The following MAML3 variants were observed in gnomAD, a reference collection of about 807,000 sequenced individuals.
MAML3 encodes mastermind like transcriptional coactivator 3.
In MAML3, 27 loss-of-function variants were observed where a neutral mutation model predicts 101.9. The ratio of observed to expected loss-of-function variants is 0.27; its 90% CI spans 0.20 to 0.37. MAML3 has a LOEUF of 0.37. MAML3 is among the 10% of genes least tolerant of loss of function. The pLI, the probability that MAML3 is intolerant of heterozygous loss-of-function variation, is 1.00. For synonymous variants in MAML3, 501 were observed against 555.9 expected (o/e 0.90, Z 1.39); for missense variants, 1,316 against 1,444.9 (o/e 0.91, Z 1.45).
chr4:139,798,034 G>GAGAAAGAAAGAAAGAAAGAA (rs60781175), intron 2 of MAML3, among the ~76,000 whole-genome samples: 2 of 124,474 alleles, frequency 1.6e-5, no homozygotes. Flanking sequence ...AGGAGAGAGA[G>GAGAAAGAAAGAAAGAAAGAA]AGAAAGAAAG....
At chr4:139,911,406 C>T (rs974902602) in intron 1 of MAML3, among the ~76,000 whole-genome samples, 41 of 152,168 alleles carry the variant, frequency 2.7e-4, no homozygotes, top group African/African-American at 8.9e-4. Flanking sequence ...TTAGTAGAGA[C>T]AGGATTTCAC....
intron 4 of MAML3, among the ~76,000 whole-genome samples, chr4:139,723,334 C>T (rs1728331568): frequency 6.6e-6 from 1 of 152,072 alleles, no homozygotes; most frequent in Admixed American, 6.6e-5. Flanking sequence ...TTCTGGGACA[C>T]AGTTTTGCTC....
intron 2 of MAML3, among the ~76,000 whole-genome samples, chr4:139,731,987 T>C (rs192537841): frequency 1.3e-5 from 2 of 152,318 alleles, no homozygotes; most frequent in East Asian, 3.9e-4. Flanking sequence ...AAATTCCTTC[T>C]ACCTCACTGA....
chr4:139,723,184 T>C (rs1305091270), intron 4 of MAML3, among the ~76,000 whole-genome samples: 1 of 152,242 alleles, frequency 6.6e-6, no homozygotes, highest in Non-Finnish European at 1.5e-5. Context: ...AAAAGTCAGC[T>C]TCAAAAACCC....
At chr4:139,814,666 C>A (rs1238647931) in intron 2 of MAML3, among the ~76,000 whole-genome samples, 1 of 152,090 alleles carries the variant, frequency 6.6e-6, no homozygotes, top group Non-Finnish European at 1.5e-5. Flanking sequence ...GTGGGTAACA[C>A]CCTCCCCCCA....
intron 1 of MAML3, among the ~76,000 whole-genome samples, chr4:139,939,261 C>T (rs1231319527): frequency 6.6e-6 from 1 of 152,194 alleles, no homozygotes; most frequent in Non-Finnish European, 1.5e-5. Flanking sequence ...TAATTATTCT[C>T]ACTTCTCCTC....
chr4:140,025,283 CTAAAG>C (rs1461348999), intron 1 of MAML3, among the ~76,000 whole-genome samples: 1 of 151,956 alleles, frequency 6.6e-6, no homozygotes, highest in Non-Finnish European at 1.5e-5. Flanking sequence ...GAGAAATAAC[CTAAAG>C]TAAATAAGGG....
chr4:139,989,602 G>C (rs1734619605), intron 1 of MAML3, among the ~76,000 whole-genome samples: 1 of 152,012 alleles, frequency 6.6e-6, no homozygotes, highest in Non-Finnish European at 1.5e-5. Flanking sequence ...GCCCAGAAAT[G>C]CTGCCTGCTT....
intron 1 of MAML3, among the ~76,000 whole-genome samples, chr4:140,149,939 C>CT (rs3051828): frequency 0.23 from 29,527 of 129,684 alleles, 3,796 homozygotes; most frequent in South Asian, 0.38. Context: ...ATGTTTCTTT[C>CT]TTTTTTTTTT....
intron 1 of MAML3, among the ~76,000 whole-genome samples, chr4:140,110,589 G>GA (rs1387342618): frequency 6.6e-6 from 1 of 152,126 alleles, no homozygotes; most frequent in African/African-American, 2.4e-5. Context: ...ACTTTCTGTG[G>GA]AAAAAAGCCT....
At chr4:139,981,991 CCTT>C (rs1432814213) in intron 1 of MAML3, among the ~76,000 whole-genome samples, 1 of 152,190 alleles carries the variant, frequency 6.6e-6, no homozygotes, top group Non-Finnish European at 1.5e-5. Context: ...TAAAGTGACT[CCTT>C]CTTTTCCGCC....
chr4:140,055,238 T>TA (rs956095627), intron 1 of MAML3, among the ~76,000 whole-genome samples: 16 of 151,542 alleles, frequency 1.1e-4, no homozygotes, highest in South Asian at 4.2e-4. Context: ...ACACAGATAA[T>TA]AAAAAAAAAC....
chr4:139,905,870 C>T (rs1732814970), intron 1 of MAML3, among the ~76,000 whole-genome samples: 1 of 152,132 alleles, frequency 6.6e-6, no homozygotes, highest in South Asian at 2.1e-4. Context: ...TAAAATGACC[C>T]TATCTCCAAA....
chr4:139,855,836 A>G (rs1402011886), intron 2 of MAML3, among the ~76,000 whole-genome samples: 1 of 152,260 alleles, frequency 6.6e-6, no homozygotes, highest in East Asian at 1.9e-4. Flanking sequence ...GGAAAACAGA[A>G]TAAAGTTATT....
In MAML3 at chr4:139,770,829, T is replaced by C. The variant is rs1729960200; in HGVS notation, c.2080-40162A>G. Among the ~76,000 whole-genome samples, 9 of 152,348 alleles carry C rather than the reference T, an allele frequency of 5.9e-5. No homozygotes were observed. The South Asian group carries it at 1.9e-3, about 32-fold the overall frequency. ...TTTCTCTTGAAAGGATAGGATGGCC[T>C]GTATATTTGTAAAGCAAAATGTATC... is the stretch of plus-strand genomic sequence containing the variant. On this transcript the variant is annotated intron_variant, in intron 2 of 4. Transcript: ENST00000509479.
chr4:140,102,984 C>T (rs544175735), intron 1 of MAML3, among the ~76,000 whole-genome samples: 229 of 152,290 alleles, frequency 1.5e-3, no homozygotes, highest in Non-Finnish European at 2.6e-3. Flanking sequence ...GCAGCTCACA[C>T]CCAAACCTAT....
intron 1 of MAML3, among the ~76,000 whole-genome samples, chr4:139,942,211 A>AGGC (rs879494193): frequency 0.3 from 44,823 of 148,756 alleles, 7,063 homozygotes; most frequent in Non-Finnish European, 0.36. Flanking sequence ...GGCAGGCAGG[A>AGGC]AGGAAGACAT....
intron 1 of MAML3, among the ~76,000 whole-genome samples, chr4:140,057,191 G>T (rs1432940505): frequency 6.6e-6 from 1 of 152,152 alleles, no homozygotes; most frequent in East Asian, 1.9e-4. Flanking sequence ...TGGGAGGATC[G>T]CTTGAGCTCA....
At chr4:139,977,168 G>T (rs903415131) in intron 1 of MAML3, among the ~76,000 whole-genome samples, 1 of 152,088 alleles carries the variant, frequency 6.6e-6, no homozygotes, top group Non-Finnish European at 1.5e-5. Flanking sequence ...ACTGAATCTT[G>T]ATCTTCAACT....
Sources: gnomAD v4.1 joint callset for allele counts (sites outside exome capture counted in the v4.1 genomes callset) on GRCh38, gnomAD v4.1.1 for gene constraint, MANE v1.5 for transcripts, NCBI Gene and HGNC (gene_info 2026-07-23, HGNC 2026-07-21) for gene names.